MFF: variants seen among roughly 807,000 people sequenced by gnomAD.
The protein encoded by MFF is chromosome 2 open reading frame 33.
In MFF, 12 loss-of-function variants were observed where a neutral mutation model predicts 36.9. The ratio of observed to expected loss-of-function variants is 0.33; its 90% CI spans 0.21 to 0.53. The LOEUF is 0.53. Ranked by LOEUF, MFF falls within the 20% of genes least tolerant of loss-of-function variation. The probability of loss-of-function intolerance (pLI) is 0.95; values close to 1 mark genes in which losing one functional copy is unlikely to be tolerated. For missense variants in MFF, 348 were observed against 366.6 expected (o/e 0.95, Z 0.42); for synonymous variants, 99 against 126.2 (o/e 0.78, Z 1.44).
chr2:227,345,861 C>G (rs2075682574), intron 5 of MFF, among the ~76,000 whole-genome samples: 2 of 152,084 alleles, frequency 1.3e-5, no homozygotes, highest in African/African-American at 2.4e-5. Context: ...TTGAGTTTAT[C>G]TTGACACCAA....
At chr2:227,334,455 C>T (rs2074834870) in intron 4 of MFF, among the ~76,000 whole-genome samples, 1 of 152,176 alleles carries the variant, frequency 6.6e-6, no homozygotes, top group East Asian at 1.9e-4. Context: ...AGCCAGGGTT[C>T]TAGTAGCTTC....
chr2:227,334,743 G>A (rs999748985), intron 4 of MFF, among the ~76,000 whole-genome samples: 2 of 152,048 alleles, frequency 1.3e-5, no homozygotes, highest in South Asian at 2.1e-4. Context: ...TGCCATTACC[G>A]TCTTCCAAGT....
intron 1 of MFF, among the ~76,000 whole-genome samples, chr2:227,328,320 ACC>A (rs1491432240): frequency 1.6e-3 from 152 of 92,998 alleles, no homozygotes; most frequent in African/African-American, 3.3e-3. Context: ...AAAAAAAAAA[ACC>A]AATTCATTTG....
rs1285225437 is a variant in MFF, at chr2:227,332,520, AC to A, written c.284del (p.Thr95SerfsTer2). On this transcript the variant is annotated frameshift_variant, in exon 4 of 9. Coordinates refer to ENST00000304593, the MANE Select transcript of MFF (RefSeq NM_001277062.2). LOFTEE classifies it high-confidence loss of function. ...LALKTPPRVL[T>X]LSERPLDFLD... ...ACTGAAAACACCACCTCGTGTACTT[AC>A]GCTGAGTGAAAGACCACTAGATTTT... The A allele has an allele frequency of 1.9e-6, 3 of 1,613,518 alleles. No homozygotes were observed. Among genetic ancestry groups the A allele is most frequent in the African/African-American group, 2.7e-5 (2 of 74,916 alleles).
At chr2:227,348,613 C>T (rs1432907635) in intron 6 of MFF, among the ~76,000 whole-genome samples, 1 of 152,116 alleles carries the variant, frequency 6.6e-6, no homozygotes, top group African/African-American at 2.4e-5. Context: ...TATTGGGAAG[C>T]TGTAAGAAGC....
chr2:227,350,777 C>T (rs1247461825), intron 6 of MFF, among the ~76,000 whole-genome samples: 1 of 152,060 alleles, frequency 6.6e-6, no homozygotes, highest in Admixed American at 6.6e-5. Flanking sequence ...TGGTGGTAGC[C>T]TTGGATTTCT....
intron 7 of MFF, among the ~76,000 whole-genome samples, chr2:227,353,621 G>A (rs759748485): frequency 1.1e-4 from 17 of 152,212 alleles, no homozygotes; most frequent in Admixed American, 2.6e-4. Context: ...TCAGCCAGTG[G>A]TCTAACTTAG....
At chr2:227,354,763 AT>A (rs2076176483) in intron 7 of MFF, among the ~76,000 whole-genome samples, 1 of 152,278 alleles carries the variant, frequency 6.6e-6, no homozygotes, top group South Asian at 2.1e-4. Context: ...CATTTTATTC[AT>A]TATTGGGCCA....
intron 3 of MFF, among the ~76,000 whole-genome samples, 154 bp downstream of exon 3, chr2:227,331,000 T>G (rs2074531561): frequency 6.6e-6 from 1 of 152,228 alleles, no homozygotes; most frequent in Non-Finnish European, 1.5e-5. Flanking sequence ...TAGTCTGAAT[T>G]GCAAACAGTA....
intron 7 of MFF, 103 bp from the exon 8 acceptor site, chr2:227,355,574 T>A: frequency 1.7e-6 from 1 of 581,620 alleles, no homozygotes; most frequent in Non-Finnish European, 3.1e-6. Flanking sequence ...AAGTACCAAT[T>A]TTCTGAATAC....
intron 7 of MFF, 80 bp from the exon 8 acceptor site, chr2:227,355,597 T>C (rs545681458): frequency 2.6e-6 from 2 of 757,848 alleles, no homozygotes; most frequent in Non-Finnish European, 4.6e-6. Context: ...CTTTGAGCAT[T>C]ACACAAAGCA....
chr2:227,329,557 T>A, intron 2 of MFF: 1 of 462,656 alleles, frequency 2.2e-6, no homozygotes, highest in Non-Finnish European at 3.8e-6. Context: ...ATAGTTTTCT[T>A]ATGAAATGAA....
chr2:227,348,763 T>C (rs547514406), intron 6 of MFF, among the ~76,000 whole-genome samples: 78 of 152,294 alleles, frequency 5.1e-4, no homozygotes, highest in African/African-American at 1.7e-3. Context: ...TGTTGAGAAA[T>C]AGAGAGGAAG....
chr2:227,337,920 C>T (rs1282611151), intron 4 of MFF, among the ~76,000 whole-genome samples: 7 of 151,326 alleles, frequency 4.6e-5, no homozygotes, highest in Admixed American at 4.6e-4. Flanking sequence ...TGGTGTGTAC[C>T]TGTAATCTCA....
intron 4 of MFF, among the ~76,000 whole-genome samples, chr2:227,338,844 C>CAA (rs71299675): frequency 7.4e-4 from 107 of 143,834 alleles, no homozygotes; most frequent in Middle Eastern, 3.6e-3. Flanking sequence ...CAAAAAAAAA[C>CAA]AAAAAAAAAA....
chr2:227,350,623 T>G (rs960960410), intron 6 of MFF, among the ~76,000 whole-genome samples: 3 of 152,146 alleles, frequency 2.0e-5, no homozygotes, highest in Admixed American at 6.6e-5. Context: ...AATTTTTCTC[T>G]TTAAAAAAGT....
At chr2:227,337,419 A>G (rs1035336429) in intron 4 of MFF, among the ~76,000 whole-genome samples, 2 of 152,212 alleles carry the variant, frequency 1.3e-5, no homozygotes, top group Non-Finnish European at 2.9e-5. Flanking sequence ...GGGGGTGAGT[A>G]TAGAGGAAAA....
intron 4 of MFF, among the ~76,000 whole-genome samples, chr2:227,339,145 C>T (rs1574936793): frequency 6.7e-6 from 1 of 149,240 alleles, no homozygotes; most frequent in Non-Finnish European, 1.5e-5. Flanking sequence ...GAGGCTGCAA[C>T]GAGCCATGAG....
intron 2 of MFF, chr2:227,330,389 T>A (rs749557726): frequency 2.9e-4 from 139 of 479,632 alleles, no homozygotes; most frequent in Non-Finnish European, 4.6e-4. Flanking sequence ...TATAATAATT[T>A]AAAAAATTTG....
Sources: gnomAD v4.1 joint callset for allele counts (sites outside exome capture counted in the v4.1 genomes callset) on GRCh38, gnomAD v4.1.1 for gene constraint, MANE v1.5 for transcripts, NCBI Gene and HGNC (gene_info 2026-07-23, HGNC 2026-07-21) for gene names.